ANKS1B: variants seen among roughly 807,000 people sequenced by gnomAD.
ANKS1B encodes the protein ankyrin repeat and sterile alpha motif domain containing 1B.
ANKS1B carries 36 observed loss-of-function variants against 148.3 expected under a neutral mutation model. The observed-to-expected ratio is 0.24, with a 90% CI of 0.19 to 0.32. ANKS1B has a LOEUF of 0.32. ANKS1B is among the 10% of genes least tolerant of loss of function. The pLI is 1.00. For missense variants in ANKS1B, 1,157 were observed against 1,542.6 expected (o/e 0.75, Z 4.19); for synonymous variants, 542 against 560.8 (o/e 0.97, Z 0.47).
At chr12:99,149,626 G>A (rs116358122) in intron 15 of ANKS1B, among the ~76,000 whole-genome samples, 91 of 152,166 alleles carry the variant, frequency 6.0e-4, no homozygotes, top group Middle Eastern at 3.4e-3. Flanking sequence ...ATTTTGATTA[G>A]TTTATAAATA....
At chr12:98,936,094 A>G (rs182713960) in intron 17 of ANKS1B, among the ~76,000 whole-genome samples, 331 of 152,342 alleles carry the variant, frequency 2.2e-3, no homozygotes, top group South Asian at 0.016. Flanking sequence ...GGTTAGCACA[A>G]TTTATGGTAT....
chr12:99,471,153 T>C (rs1194106846), intron 10 of ANKS1B, among the ~76,000 whole-genome samples: 5 of 152,146 alleles, frequency 3.3e-5, no homozygotes, highest in Non-Finnish European at 7.4e-5. Flanking sequence ...TCCTCTTTTT[T>C]TCTTAATACT....
At chr12:99,310,875 A>T (rs892797293) in intron 12 of ANKS1B, among the ~76,000 whole-genome samples, 7 of 152,218 alleles carry the variant, frequency 4.6e-5, no homozygotes, top group Admixed American at 4.6e-4. Flanking sequence ...GGTTTGAATT[A>T]CAGCTTTGTC....
intron 12 of ANKS1B, among the ~76,000 whole-genome samples, chr12:99,388,825 T>C (rs2093965384): frequency 6.6e-6 from 1 of 152,208 alleles, no homozygotes; most frequent in Non-Finnish European, 1.5e-5. Context: ...AGAGAGAAAT[T>C]CAGCTGCATC....
At chr12:99,080,645 G>T (rs915171664) in intron 16 of ANKS1B, among the ~76,000 whole-genome samples, 1 of 152,106 alleles carries the variant, frequency 6.6e-6, no homozygotes, top group East Asian at 1.9e-4. Context: ...TGACCTTCAG[G>T]TGTTATATTA....
intron 22 of ANKS1B, among the ~76,000 whole-genome samples, chr12:98,784,026 G>A (rs764446102): frequency 2.0e-5 from 3 of 152,348 alleles, no homozygotes; most frequent in Non-Finnish European, 4.4e-5. Flanking sequence ...AGGTTCTGTT[G>A]ATTGATCTGC....
intron 12 of ANKS1B, among the ~76,000 whole-genome samples, chr12:99,366,972 C>T (rs1221377042): frequency 1.3e-5 from 2 of 152,138 alleles, no homozygotes; most frequent in East Asian, 3.9e-4. Context: ...AAGCTCAGCA[C>T]TACTGACATT....
chr12:98,903,837 G>C (rs1200874609), intron 17 of ANKS1B, among the ~76,000 whole-genome samples: 1 of 152,056 alleles, frequency 6.6e-6, no homozygotes, highest in Non-Finnish European at 1.5e-5. Context: ...CTCAATCAAG[G>C]CTTGGACTCC....
At chr12:99,663,019 A>G (rs1251569051) in intron 8 of ANKS1B, among the ~76,000 whole-genome samples, 3 of 152,130 alleles carry the variant, frequency 2.0e-5, no homozygotes, top group Non-Finnish European at 4.4e-5. Flanking sequence ...GAGATCTTAC[A>G]TGAGAACTAT....
At chr12:99,590,569 G>C (rs2097693141) in intron 9 of ANKS1B, among the ~76,000 whole-genome samples, 1 of 152,116 alleles carries the variant, frequency 6.6e-6, no homozygotes, top group Admixed American at 6.6e-5. Flanking sequence ...CTAAATGGGA[G>C]CATATTAGCA....
At chr12:98,947,545 C>A (rs1158990474) in intron 17 of ANKS1B, among the ~76,000 whole-genome samples, 1 of 152,044 alleles carries the variant, frequency 6.6e-6, no homozygotes, top group African/African-American at 2.4e-5. Context: ...ATTTACAACT[C>A]ATGAATGTTA....
At chr12:98,988,743 CAA>C (rs2099924918) in intron 17 of ANKS1B, among the ~76,000 whole-genome samples, 1 of 152,246 alleles carries the variant, frequency 6.6e-6, no homozygotes, top group African/African-American at 2.4e-5. Context: ...CTCTTTTCTC[CAA>C]ATCCTCACTA....
rs145645364 is a variant in ANKS1B at position 99,485,459 on chromosome 12, C to A, written c.1438+19017G>T. Among the ~76,000 whole-genome samples, 1,344 of 152,192 alleles carry A rather than the reference C, an allele frequency of 8.8e-3. 10 individuals are homozygous for A. Among genetic ancestry groups the A allele is most frequent in the Middle Eastern group, 0.031 (9 of 294 alleles). On this transcript the variant is annotated intron_variant, in intron 10 of 26. Coordinates refer to ENST00000683438, the MANE Select transcript of ANKS1B (RefSeq NM_001352186.2). ...TTTGCTTCATGTTTACTTTAGATAACCTGATGACTATATGCCTTGGTAAAT... is the reference window on the plus strand; with the variant it reads ...TTTGCTTCATGTTTACTTTAGATAAACTGATGACTATATGCCTTGGTAAAT...
At chr12:99,705,134 C>T (rs2055529585) in intron 8 of ANKS1B, among the ~76,000 whole-genome samples, 2 of 152,036 alleles carry the variant, frequency 1.3e-5, no homozygotes, top group South Asian at 4.1e-4. Flanking sequence ...AAAATAGCAA[C>T]TATGTGAAAG....
intron 17 of ANKS1B, among the ~76,000 whole-genome samples, chr12:98,839,203 T>A (rs61933599): frequency 1.3e-5 from 2 of 152,228 alleles, no homozygotes; most frequent in Non-Finnish European, 2.9e-5. Context: ...ATAACAGTCT[T>A]ATTCAACAAA....
At chr12:98,879,877 GAC>G (rs761916858) in intron 17 of ANKS1B, among the ~76,000 whole-genome samples, 16 of 152,108 alleles carry the variant, frequency 1.1e-4, no homozygotes, top group Non-Finnish European at 1.9e-4. Flanking sequence ...AACCAGAAAT[GAC>G]ATTTGCTTTT....
chr12:98,743,057 C>CTAAT (rs1193317635), downstream of ANKS1B, among the ~76,000 whole-genome samples: 7 of 152,176 alleles, frequency 4.6e-5, no homozygotes, highest in African/African-American at 1.4e-4. Flanking sequence ...CCATTATATT[C>CTAAT]TAATTCTCTT....
At chr12:98,889,350 ATT>A (rs199671576) in intron 17 of ANKS1B, among the ~76,000 whole-genome samples, 3 of 145,582 alleles carry the variant, frequency 2.1e-5, no homozygotes, top group Non-Finnish European at 1.5e-5. Flanking sequence ...AACCTTTTTT[ATT>A]TTTTTTTTTT....
chr12:99,544,353 C>T (rs1294430442), intron 9 of ANKS1B, among the ~76,000 whole-genome samples: 3 of 152,084 alleles, frequency 2.0e-5, no homozygotes, highest in Non-Finnish European at 4.4e-5. Context: ...GTGTTCAGAT[C>T]CATTTTCTGG....
Sources: gnomAD v4.1 joint callset for allele counts (sites outside exome capture counted in the v4.1 genomes callset) on GRCh38, gnomAD v4.1.1 for gene constraint, MANE v1.5 for transcripts, NCBI Gene and HGNC (gene_info 2026-07-23, HGNC 2026-07-21) for gene names.